Variants in A2ML1 observed in about 807,000 individuals in gnomAD.
A2ML1 encodes alpha-2-macroglobulin-like protein 1.
In A2ML1, 161 loss-of-function variants were observed where a neutral mutation model predicts 181.9. The ratio of observed to expected loss-of-function variants is 0.89; its 90% CI spans 0.78 to 1.01. The LOEUF is 1.01. Ranked by LOEUF, A2ML1 falls within the 50% of genes least tolerant of loss-of-function variation. The probability of loss-of-function intolerance (pLI) is 0.00; values close to 1 mark genes in which losing one functional copy is unlikely to be tolerated. For missense variants in A2ML1, 1,670 were observed against 1,768.1 expected (o/e 0.94, Z 1.00); for synonymous variants, 663 against 666.8 (o/e 0.99, Z 0.09).
At chr12:8,844,639 A>G (rs888962105) in intron 12 of A2ML1, among the ~76,000 whole-genome samples, 6 of 151,922 alleles carry the variant, frequency 3.9e-5, no homozygotes, top group Admixed American at 3.3e-4. Context: ...TCAGTCTATG[A>G]GAGACTTTCT....
intron 33 of A2ML1, among the ~76,000 whole-genome samples, chr12:8,872,238 A>G (rs1031885493): frequency 1.3e-5 from 2 of 151,510 alleles, no homozygotes; most frequent in African/African-American, 4.8e-5. Flanking sequence ...CATATTAGTC[A>G]TTTGCTTTAA....
downstream of A2ML1, among the ~76,000 whole-genome samples, chr12:8,877,684 A>G (rs183768348): frequency 2.6e-3 from 402 of 152,294 alleles, 3 homozygotes; most frequent in Non-Finnish European, 4.3e-3. Context: ...TCAGAAAATA[A>G]GAGATGTTGG....
At position 8,874,520 on chromosome 12, in the gene A2ML1, C is replaced by T. The variant is rs756435312; in HGVS notation, c.4317C>T (p.Tyr1439=). ...CAACCATCAAGGTCTATGACTACTA[C>T]CTACCAGGTGAGAGGGCTGAGCTGA... ...KPATIKVYDY[Y]LPDEQATIQY... Residue 1439 remains tyrosine, a synonymous_variant, in exon 34 of 36, where the codon TAC becomes TAT. Transcript: ENST00000299698. 1 of 1,612,714 alleles carries T rather than the reference C, an allele frequency of 6.2e-7. No homozygotes were observed. Among genetic ancestry groups the T allele is most frequent in the Non-Finnish European group, 8.5e-7 (1 of 1,178,802 alleles).
chr12:8,857,872 A>G, intron 25 of A2ML1, 74 bp from the exon 26 acceptor site: 2 of 1,572,336 alleles, frequency 1.3e-6, no homozygotes, highest in Non-Finnish European at 1.7e-6. Context: ...TATACACCCA[A>G]ATAAATGAAG....
intron 23 of A2ML1, among the ~76,000 whole-genome samples, chr12:8,856,412 CAT>C (rs1944063906): frequency 6.6e-6 from 1 of 152,210 alleles, no homozygotes; most frequent in Admixed American, 6.5e-5. Flanking sequence ...GTTCCTGCAA[CAT>C]AGTTGACATT....
chr12:8,874,635 C>A, intron 34 of A2ML1, 108 bp downstream of exon 34: 1 of 816,826 alleles, frequency 1.2e-6, no homozygotes, highest in Non-Finnish European at 2.0e-6. Context: ...TACTCCTTCC[C>A]AAGCCAAGTA....
At chr12:8,828,110 C>T (rs752372584) in intron 3 of A2ML1, among the ~76,000 whole-genome samples, 114 of 152,264 alleles carry the variant, frequency 7.5e-4, no homozygotes, top group Admixed American at 3.4e-3. Flanking sequence ...TACCTGGCTA[C>T]TGCCCATGTT....
intron 31 of A2ML1, 45 bp downstream of exon 31, chr12:8,868,402 T>C (rs1377687465): frequency 6.2e-7 from 1 of 1,607,710 alleles, no homozygotes; most frequent in Admixed American, 1.7e-5. Context: ...CACCTGGTCA[T>C]AGGAGCTGAG....
At chr12:8,862,481 G>A (rs753324157) in intron 28 of A2ML1, among the ~76,000 whole-genome samples, 10 of 152,188 alleles carry the variant, frequency 6.6e-5, no homozygotes, top group Admixed American at 1.3e-4. Context: ...AATTACAAGC[G>A]TGAGCCATTG....
In A2ML1 at chr12:8,863,825, T is replaced by A. The variant is rs760107109; in HGVS notation, c.3534T>A (p.Thr1178=). The change falls in exon 29 of 36, where the codon ACT becomes ACA. Residue 1178 remains threonine (T), a synonymous_variant. Coordinates refer to ENST00000299698, the MANE Select transcript of A2ML1 (RefSeq NM_144670.6). ...GESIYWSQKP[T]PSSNASPWSE... ...CCATTTACTGGAGCCAGAAACCTAC[T>A]CCATCATCGAACGCCAGCCCTTGGT... The A allele has an allele frequency of 1.2e-6, 2 of 1,614,238 alleles. No individual in the cohort carries two copies. The highest frequency in any genetic ancestry group is 3.3e-5 in the Admixed American group (2 of 60,032).
chr12:8,868,671 C>T (rs1474979000), intron 32 of A2ML1, 44 bp downstream of exon 32: 1 of 1,552,852 alleles, frequency 6.4e-7, no homozygotes, highest in Admixed American at 1.8e-5. Context: ...TGTGAGGGGA[C>T]CTAACGTTAT....
At chr12:8,874,310 C>G in intron 33 of A2ML1, 115 bp from the exon 34 acceptor site, 1 of 773,178 alleles carries the variant, frequency 1.3e-6, no homozygotes, top group Non-Finnish European at 2.1e-6. Flanking sequence ...GCCACCGTGC[C>G]TGGCGGGGCT....
In A2ML1 at chr12:8,837,490, A is replaced by G; in HGVS notation, c.779A>G (p.Gln260Arg). ...MLGAVQVSVC[Q>R]KANTYWYREV... Reference sequence around the variant, plus strand: ...GGGGCAGTGCAGGTATCTGTGTGTCAGAAGGCAAATACTTACTGGTATCGA... The same window carrying G: ...GGGGCAGTGCAGGTATCTGTGTGTCGGAAGGCAAATACTTACTGGTATCGA... Residue 260 changes from glutamine to arginine, a missense_variant, in exon 8 of 36, where the codon CAG becomes CGG. Gln to Arg is a conservative substitution (Grantham distance 43). Transcript: ENST00000299698. 1 of 1,614,200 alleles carries G rather than the reference A, an allele frequency of 6.2e-7. No individual in the cohort carries two copies. The highest frequency in any genetic ancestry group is 8.5e-7 in the Non-Finnish European group (1 of 1,180,004).
At position 8,860,742 on chromosome 12, in the gene A2ML1, T is replaced by C. The variant is rs1227057655; in HGVS notation, c.3265-139T>C. 7.0e-6 allele frequency: 5 copies of C among 715,672 alleles called. No individual in the cohort carries two copies. In the African/African-American group the frequency reaches 7.2e-5, roughly 10 times the overall value. The allele number at this position is 715,672 out of a possible 1,614,324, so 44.3% of individuals were successfully genotyped here. ...GAGGCTTGGAGCTGCAGAAAGCCTGTGGAAAAAAGAGCTTTCTTTTCTTTT... is the reference window on the plus strand; with the variant it reads ...GAGGCTTGGAGCTGCAGAAAGCCTGCGGAAAAAAGAGCTTTCTTTTCTTTT... On this transcript the variant is annotated intron_variant, in intron 26 of 35. Transcript: ENST00000299698.
rs1944755646 is a variant in A2ML1 at position 8,874,982 on chromosome 12, A to T, written c.4336A>T (p.Thr1446Ser). 10 of 1,614,056 alleles carry T rather than the reference A, an allele frequency of 6.2e-6. No homozygotes were observed. The highest frequency in any genetic ancestry group is 7.6e-6 in the Non-Finnish European group (9 of 1,180,018). The change falls in exon 35 of 36, where the codon ACA becomes TCA. Residue 1446 changes from threonine to serine, a missense_variant. Coordinates refer to ENST00000299698, the MANE Select transcript of A2ML1 (RefSeq NM_144670.6). ...YDYYLPDEQA[T>S]IQYSDPCE is the part of the protein sequence containing the mutation. ...ATTTCATTTCACAGATGAACAGGCAACAATTCAGTATTCTGATCCCTGTGA... is the reference window on the plus strand; with the variant it reads ...ATTTCATTTCACAGATGAACAGGCATCAATTCAGTATTCTGATCCCTGTGA...
rs199621515 is a variant in A2ML1, at chr12:8,838,368, G to T, written c.888G>T (p.Val296=). 6.2e-7 allele frequency: 1 copy of T among 1,613,664 alleles called. No individual in the cohort carries two copies. The highest frequency in any genetic ancestry group is 8.5e-7 in the Non-Finnish European group (1 of 1,179,788). Residue 296 remains valine (V), a synonymous_variant, in exon 9 of 36, where the codon GTG becomes GTT. Transcript: ENST00000299698. Reference sequence around the variant, plus strand: ...AAACAGGATGTTTCTCAGCACCTGTGGACATGGCCACCTTTGACCTCATTG... The same window carrying T: ...AAACAGGATGTTTCTCAGCACCTGTTGACATGGCCACCTTTGACCTCATTG... ...TDKTGCFSAP[V]DMATFDLIGY... is the part of the protein sequence containing the mutation.
intron 23 of A2ML1, 86 bp from the exon 24 acceptor site, chr12:8,857,078 C>T (rs1396379480): frequency 1.6e-5 from 21 of 1,301,514 alleles, no homozygotes; most frequent in East Asian, 1.2e-4. Flanking sequence ...ATAGCTAATA[C>T]GTGTTTGTTC....
In A2ML1 at chr12:8,868,457, C is replaced by CAT. The variant is rs5796325; in HGVS notation, c.4062-80_4062-79insAT. 16 of 1,443,228 alleles carry CAT rather than the reference C, an allele frequency of 1.1e-5. No individual in the cohort carries two copies. In the African/African-American group the frequency reaches 2.1e-4, roughly 19 times the overall value. 89.4% of individuals were successfully genotyped at this position (1,443,228 alleles called of 1,614,324 possible). On this transcript the variant is annotated intron_variant, in intron 31 of 35. Transcript: ENST00000299698. ...GTGTGTCTGTGTATGTGTGTGTGTA[C>CAT]GTGTGTGTGTGTGTGTGTTGGGGAT... is the stretch of plus-strand genomic sequence containing the variant.
intron 30 of A2ML1, 50 bp downstream of exon 30, chr12:8,868,107 G>A: frequency 6.2e-7 from 1 of 1,609,268 alleles, no homozygotes; most frequent in Non-Finnish European, 8.5e-7. Flanking sequence ...GAGAGTCGGA[G>A]AGCATCTTCC....
Sources: allele counts gnomAD v4.1 joint callset (sites outside exome capture counted in the v4.1 genomes callset), GRCh38; gene constraint gnomAD v4.1.1; transcripts MANE v1.5; gene names NCBI Gene and HGNC (gene_info 2026-07-23, HGNC 2026-07-21).